The following GPC5 variants were observed in gnomAD, a reference collection of about 807,000 sequenced individuals.
The protein encoded by GPC5 is glypican-5.
Under a neutral mutation model 53.9 loss-of-function variants are expected in GPC5, and 47 were observed. The ratio of observed to expected loss-of-function variants is 0.87; its 90% CI spans 0.69 to 1.11. The LOEUF (loss-of-function observed/expected upper bound fraction) is 1.11. Among genes scored for constraint, GPC5 ranks in the 50% most tolerant of loss-of-function variants. The probability of loss-of-function intolerance (pLI) is 0.00; values close to 1 mark genes in which losing one functional copy is unlikely to be tolerated. For synonymous variants in GPC5, 286 were observed against 263.3 expected, an observed-to-expected ratio of 1.09 and a Z score of -0.84; for missense variants, 748 against 713.1, an observed-to-expected ratio of 1.05 and a Z score of -0.56.
rs116329752 is a variant in GPC5 at position 92,524,547 on chromosome 13, T to C, written c.1562-341735T>C. Among the ~76,000 whole-genome samples the C allele has an allele frequency of 4.1e-3, 622 of 152,246 alleles. 2 individuals carry two copies. Among genetic ancestry groups the C allele is most frequent in the African/African-American group, 0.014 (583 of 41,560 alleles). On this transcript the variant is annotated intron_variant, in intron 7 of 7. Transcript: ENST00000377067. ...CTACTGATTTATGCACTCATATTTC[T>C]ATGTATAATCAAAAGAACAGGAAGT... is the stretch of plus-strand genomic sequence containing the variant.
intron 7 of GPC5, among the ~76,000 whole-genome samples, chr13:92,377,224 A>C (rs1043463387): frequency 6.6e-6 from 1 of 152,152 alleles, no homozygotes; most frequent in Admixed American, 6.5e-5. Context: ...GTTTCATTAC[A>C]CTTTGCATGC....
intron 5 of GPC5, among the ~76,000 whole-genome samples, chr13:91,773,838 C>G (rs1036421058): frequency 6.6e-6 from 1 of 152,096 alleles, no homozygotes; most frequent in Non-Finnish European, 1.5e-5. Context: ...AAACCTGATC[C>G]GTTAGTCTAT....
chr13:92,402,382 T>C (rs1051367682), intron 7 of GPC5, among the ~76,000 whole-genome samples: 4 of 152,192 alleles, frequency 2.6e-5, no homozygotes, highest in Admixed American at 2.0e-4. Context: ...AATCAATATG[T>C]GAGTCTAAGC....
intron 7 of GPC5, among the ~76,000 whole-genome samples, chr13:92,363,335 AC>A (rs780601091): frequency 2.0e-5 from 3 of 151,654 alleles, no homozygotes; most frequent in East Asian, 3.9e-4. Flanking sequence ...GAGGTCCCCA[AC>A]ATTTTTGGCA....
chr13:91,733,637 G>A (rs1404466705), intron 4 of GPC5, among the ~76,000 whole-genome samples: 1 of 152,048 alleles, frequency 6.6e-6, no homozygotes, highest in Admixed American at 6.6e-5. Flanking sequence ...CTTGTCTATT[G>A]TTGAGTTATA....
chr13:92,822,408 G>A (rs187595133), intron 7 of GPC5, among the ~76,000 whole-genome samples: 2 of 152,040 alleles, frequency 1.3e-5, no homozygotes, highest in African/African-American at 4.8e-5. Flanking sequence ...CCCATTTTAG[G>A]TGAAGAAATT....
chr13:91,834,423 A>G (rs2038699328), intron 5 of GPC5, among the ~76,000 whole-genome samples: 1 of 152,196 alleles, frequency 6.6e-6, no homozygotes, highest in Admixed American at 6.5e-5. Context: ...ACCAAAAAAG[A>G]GCCCACACAG....
At chr13:91,611,349 G>A (rs1020618617) in intron 2 of GPC5, among the ~76,000 whole-genome samples, 2 of 152,196 alleles carry the variant, frequency 1.3e-5, no homozygotes, top group East Asian at 3.8e-4. Context: ...CCAAGGTCAT[G>A]ACTTTAAGTG....
intron 5 of GPC5, among the ~76,000 whole-genome samples, chr13:91,828,378 GGTAGGTA>G (rs869283026): frequency 6.6e-6 from 1 of 151,796 alleles, no homozygotes; most frequent in Non-Finnish European, 1.5e-5. Flanking sequence ...TAGGTAGGTA[GGTAGGTA>G]GGAAGGAAGA....
intron 7 of GPC5, among the ~76,000 whole-genome samples, chr13:92,337,113 C>T (rs761860170): frequency 1.3e-5 from 2 of 151,646 alleles, no homozygotes; most frequent in Non-Finnish European, 1.5e-5. Flanking sequence ...CACAGTCAGA[C>T]GATACCACCT....
intron 7 of GPC5, among the ~76,000 whole-genome samples, chr13:92,231,497 G>C (rs538795014): frequency 3.9e-5 from 6 of 152,092 alleles, no homozygotes; most frequent in Non-Finnish European, 8.8e-5. Context: ...GAATCCCTCA[G>C]AAATTCCTCT....
In GPC5 at chr13:91,398,879, C is replaced by T; in HGVS notation, c.-168C>T. 1 of 722,106 alleles carries T rather than the reference C, an allele frequency of 1.4e-6. No individual in the cohort carries two copies. The highest frequency in any genetic ancestry group is 2.2e-6 in the Non-Finnish European group (1 of 461,892). The allele number at this position is 722,106 out of a possible 1,614,324, so 44.7% of individuals were successfully genotyped here. On this transcript the variant is annotated 5_prime_UTR_variant, in exon 1 of 8. Transcript: ENST00000377067. ...AGCTTAGGGCCTCCTCCGGGAAGAG[C>T]TAACTGCTCCCAGGTGAAGCCGGTG...
At chr13:92,649,461 T>A (rs1444498950) in intron 7 of GPC5, among the ~76,000 whole-genome samples, 3 of 152,182 alleles carry the variant, frequency 2.0e-5, no homozygotes, top group Admixed American at 1.3e-4. Flanking sequence ...AATTGTGTTT[T>A]AAAATTGGCA....
At chr13:91,437,395 T>G (rs1312351519) in intron 1 of GPC5, among the ~76,000 whole-genome samples, 2 of 152,214 alleles carry the variant, frequency 1.3e-5, no homozygotes, top group Non-Finnish European at 1.5e-5. Flanking sequence ...GGTGACAAAA[T>G]CTCTTAGCAT....
At chr13:92,857,732 T>C (rs895624758) in intron 7 of GPC5, among the ~76,000 whole-genome samples, 6 of 151,992 alleles carry the variant, frequency 3.9e-5, no homozygotes, top group African/African-American at 7.2e-5. Flanking sequence ...CTTAACATCA[T>C]TAATCATTCC....
At chr13:92,786,348 C>T (rs1008788401) in intron 7 of GPC5, among the ~76,000 whole-genome samples, 3 of 151,990 alleles carry the variant, frequency 2.0e-5, no homozygotes, top group Middle Eastern at 3.2e-3. Context: ...ATGATTTTGA[C>T]GAATGGACAT....
At chr13:92,501,037 CA>C (rs1272335119) in intron 7 of GPC5, among the ~76,000 whole-genome samples, 2 of 151,878 alleles carry the variant, frequency 1.3e-5, no homozygotes, top group African/African-American at 4.8e-5. Context: ...CCCAGATTTT[CA>C]AAACATAATA....
chr13:92,191,405 G>A (rs2042221827), intron 7 of GPC5, among the ~76,000 whole-genome samples: 3 of 152,076 alleles, frequency 2.0e-5, no homozygotes, highest in Non-Finnish European at 2.9e-5. Flanking sequence ...TGGAGCAGCT[G>A]GAACTCTCAA....
At chr13:92,786,876 C>G (rs143029870) in intron 7 of GPC5, among the ~76,000 whole-genome samples, 88 of 152,158 alleles carry the variant, frequency 5.8e-4, no homozygotes, top group African/African-American at 2.1e-3. Flanking sequence ...ATGGAGGGAG[C>G]CAGATACACC....
Sources: allele counts gnomAD v4.1 joint callset (sites outside exome capture counted in the v4.1 genomes callset), GRCh38; gene constraint gnomAD v4.1.1; transcripts MANE v1.5; gene names NCBI Gene and HGNC (gene_info 2026-07-23, HGNC 2026-07-21).